Variants in PARD3 observed in about 807,000 individuals in gnomAD.
PARD3 encodes the protein partitioning defective 3 homolog.
PARD3 carries 75 observed loss-of-function variants against 155.4 expected under a neutral mutation model. That is an observed-to-expected ratio of 0.48 (90% CI 0.40 to 0.58). The LOEUF (loss-of-function observed/expected upper bound fraction) is 0.58. Among genes scored for constraint, PARD3 ranks in the 20% least tolerant of loss-of-function variants. The pLI, the probability that PARD3 is intolerant of heterozygous loss-of-function variation, is 0.00. For synonymous variants in PARD3, 576 were observed against 610.5 expected (o/e 0.94, Z 0.83); for missense variants, 1,642 against 1,721.7 (o/e 0.95, Z 0.82).
At position 34,485,948 on chromosome 10, in the gene PARD3, G is replaced by A. The variant is rs912508612; in HGVS notation, c.404-15685C>T. Reference sequence around the variant, plus strand: ...TTTTTTTTTTTTTTTTTTTGAGACAGGGTTTTACTTTGTCACCCAGGCTGG... The same window carrying A: ...TTTTTTTTTTTTTTTTTTTGAGACAAGGTTTTACTTTGTCACCCAGGCTGG... On this transcript the variant is annotated intron_variant, in intron 3 of 24. Coordinates refer to ENST00000374788, the MANE Select transcript of PARD3 (RefSeq NM_001184785.2). 6.5e-5 allele frequency among the ~76,000 whole-genome samples: 8 copies of A among 122,320 alleles called. No homozygotes were observed. In the East Asian group the frequency reaches 9.0e-4, roughly 14 times the overall value. 80.2% of individuals were successfully genotyped at this position (122,320 alleles called of 152,430 possible). A position where few individuals can be genotyped will look rare whatever the true frequency, so the allele number is the denominator to read the frequency against.
At chr10:34,696,295 G>C (rs747563736) in intron 2 of PARD3, 23 bp downstream of exon 2, 9 of 1,425,286 alleles carry the variant, frequency 6.3e-6, no homozygotes, top group Non-Finnish European at 7.9e-6. Flanking sequence ...ATTCAGAACA[G>C]GTTCCCCAGG....
At chr10:34,668,983 C>T (rs59896271) in intron 2 of PARD3, among the ~76,000 whole-genome samples, 4,558 of 152,138 alleles carry the variant, frequency 0.03, 220 homozygotes, top group African/African-American at 0.1. Flanking sequence ...GGGGATACAG[C>T]AGTGAACAGA....
chr10:34,274,715 CAA>C (rs1303738576), intron 21 of PARD3, among the ~76,000 whole-genome samples: 1 of 152,046 alleles, frequency 6.6e-6, no homozygotes, highest in African/African-American at 2.4e-5. Flanking sequence ...CTCCAAAAAT[CAA>C]AGAGAAGGAC....
chr10:34,344,083 A>G, intron 15 of PARD3: 2 of 960,074 alleles, frequency 2.1e-6, no homozygotes, highest in Non-Finnish European at 2.5e-6. Flanking sequence ...CTACTGAGAT[A>G]AATTCTAAAA....
intron 1 of PARD3, among the ~76,000 whole-genome samples, chr10:34,776,562 T>A (rs909487542): frequency 4.6e-5 from 7 of 151,990 alleles, no homozygotes; most frequent in Non-Finnish European, 1.0e-4. Context: ...TTTTTTTTTT[T>A]TTTTTAGTAA....
chr10:34,151,512 G>A (rs1325525503), intron 22 of PARD3, among the ~76,000 whole-genome samples: 2 of 152,030 alleles, frequency 1.3e-5, no homozygotes, highest in African/African-American at 2.4e-5. Context: ...TCCAATTAAA[G>A]CTTCAGTTTG....
chr10:34,742,149 A>G (rs1041271064), intron 1 of PARD3, among the ~76,000 whole-genome samples: 2 of 152,172 alleles, frequency 1.3e-5, no homozygotes, highest in Admixed American at 6.5e-5. Flanking sequence ...GGTTCTTCCA[A>G]GTTTCCTCCA....
At chr10:34,753,766 A>G (rs1425610795) in intron 1 of PARD3, among the ~76,000 whole-genome samples, 2 of 152,180 alleles carry the variant, frequency 1.3e-5, no homozygotes, top group Non-Finnish European at 2.9e-5. Flanking sequence ...CCAGCCATGG[A>G]GAGAAGCAGA....
At chr10:34,759,564 G>A (rs1394086827) in intron 1 of PARD3, among the ~76,000 whole-genome samples, 7 of 152,270 alleles carry the variant, frequency 4.6e-5, no homozygotes, top group Admixed American at 3.3e-4. Flanking sequence ...CAAACATTCC[G>A]ATTTTAAGCA....
chr10:34,281,504 A>C (rs1375791119), intron 21 of PARD3, among the ~76,000 whole-genome samples: 1 of 152,138 alleles, frequency 6.6e-6, no homozygotes, highest in Non-Finnish European at 1.5e-5. Context: ...ACAGATCCAT[A>C]CAGTGATCTT....
intron 5 of PARD3, among the ~76,000 whole-genome samples, chr10:34,404,232 T>C (rs1321012336): frequency 6.6e-6 from 1 of 152,208 alleles, no homozygotes; most frequent in Non-Finnish European, 1.5e-5. Flanking sequence ...AGCTCCTGTA[T>C]GGTTTTATTC....
At chr10:34,557,952 AAG>A (rs1012368595) in intron 2 of PARD3, among the ~76,000 whole-genome samples, 12 of 151,884 alleles carry the variant, frequency 7.9e-5, no homozygotes, top group Middle Eastern at 3.4e-3. Flanking sequence ...AAAAAAAAAA[AAG>A]AAAGAAAGAA....
chr10:34,804,688 C>T lies in PARD3; in HGVS notation c.120+10188G>A, dbSNP rs191824703. Among the ~76,000 whole-genome samples, 530 of 152,136 alleles carry T rather than the reference C, an allele frequency of 3.5e-3. 4 individuals are homozygous for T. Among genetic ancestry groups the T allele is most frequent in the African/African-American group, 0.011 (471 of 41,504 alleles). ...GAAGAGTTTTCTTTTTTCCTTTGTC[C>T]CTCAGACTTCTAAAGAGTTTATTTT... On this transcript the variant is annotated intron_variant, in intron 1 of 24. Coordinates refer to ENST00000374788, the MANE Select transcript of PARD3 (RefSeq NM_001184785.2).
At chr10:34,746,173 T>A (rs1835304183) in intron 1 of PARD3, among the ~76,000 whole-genome samples, 3 of 151,704 alleles carry the variant, frequency 2.0e-5, no homozygotes, top group Admixed American at 6.6e-5. Flanking sequence ...TCAAAAATAA[T>A]TTCTTGGCTG....
At chr10:34,469,263 A>G (rs2078199669) in intron 4 of PARD3, among the ~76,000 whole-genome samples, 1 of 152,172 alleles carries the variant, frequency 6.6e-6, no homozygotes, top group South Asian at 2.1e-4. Flanking sequence ...GGTGCATGCC[A>G]GCACACCTGG....
intron 4 of PARD3, among the ~76,000 whole-genome samples, chr10:34,456,397 A>G (rs532831694): frequency 9.5e-4 from 144 of 152,246 alleles, no homozygotes; most frequent in African/African-American, 3.4e-3. Flanking sequence ...CCCTGGTTCA[A>G]ACGATTCTCC....
At chr10:34,401,492 T>C (rs1234628464) in intron 6 of PARD3, among the ~76,000 whole-genome samples, 1 of 152,178 alleles carries the variant, frequency 6.6e-6, no homozygotes, top group Non-Finnish European at 1.5e-5. Context: ...GATCAAAATA[T>C]TGACACACAA....
At chr10:34,334,753 GTTCT>G (rs1835982952) in intron 18 of PARD3, among the ~76,000 whole-genome samples, 3 of 142,568 alleles carry the variant, frequency 2.1e-5, no homozygotes, top group Non-Finnish European at 3.1e-5. Context: ...AAAAAAAAAA[GTTCT>G]TTTTCTCTAG....
At chr10:34,276,574 G>C (rs2133891313) in intron 21 of PARD3, among the ~76,000 whole-genome samples, 1 of 152,242 alleles carries the variant, frequency 6.6e-6, no homozygotes, top group South Asian at 2.1e-4. Context: ...AGCACTAATT[G>C]CAGTAGAATA....
Sources: allele counts gnomAD v4.1 joint callset (sites outside exome capture counted in the v4.1 genomes callset), GRCh38; gene constraint gnomAD v4.1.1; transcripts MANE v1.5; gene names NCBI Gene and HGNC (gene_info 2026-07-23, HGNC 2026-07-21).